GDPD4: variants seen among roughly 807,000 people sequenced by gnomAD.
The protein encoded by GDPD4 is glycerophosphodiester phosphodiesterase 6.
Under a neutral mutation model 67.8 loss-of-function variants are expected in GDPD4, and 60 were observed. The observed-to-expected ratio is 0.88, with a 90% CI of 0.72 to 1.10. The LOEUF (loss-of-function observed/expected upper bound fraction) is 1.10. Among genes scored for constraint, GDPD4 ranks in the 50% least tolerant of loss-of-function variants. GDPD4 has a pLI of 0.00. For missense variants in GDPD4, 623 were observed against 613.9 expected (o/e 1.01, Z -0.16); for synonymous variants, 212 against 210.9 (o/e 1.00, Z -0.04).
rs536886190 is a variant in GDPD4, at chr11:77,284,205, A to T, written c.53+880T>A. Among the ~76,000 whole-genome samples the T allele has an allele frequency of 2.6e-5, 4 of 152,360 alleles. No individual in the cohort carries two copies. In the South Asian group the frequency reaches 8.3e-4, roughly 32 times the overall value. On this transcript the variant is annotated intron_variant, in intron 3 of 16. Coordinates refer to ENST00000315938, the MANE Select transcript of GDPD4 (RefSeq NM_182833.3). ...AATTAAAAATGGCTAAGTGTATTAT[A>T]GCATCTGTCATGAAATATTTTTAAA... is the stretch of plus-strand genomic sequence containing the variant.
chr11:77,272,981 T>A (rs1408118249), intron 5 of GDPD4, among the ~76,000 whole-genome samples: 2 of 152,152 alleles, frequency 1.3e-5, no homozygotes, highest in East Asian at 3.9e-4. Flanking sequence ...ATTCCATTAA[T>A]TATATAACTC....
intron 16 of GDPD4, among the ~76,000 whole-genome samples, chr11:77,219,106 CATT>C (rs1958179826): frequency 6.6e-6 from 1 of 152,164 alleles, no homozygotes; most frequent in African/African-American, 2.4e-5. Context: ...GATGGTATCT[CATT>C]GTGGTTTTGT....
chr11:77,236,727 G>GAA (rs71043559), intron 13 of GDPD4, among the ~76,000 whole-genome samples: 30,611 of 145,956 alleles, frequency 0.21, 3,778 homozygotes, highest in Non-Finnish European at 0.28. Context: ...ATACAAGAAG[G>GAA]AAACACACAC....
At chr11:77,262,358 G>C (rs1398281617) in intron 10 of GDPD4, among the ~76,000 whole-genome samples, 1 of 152,122 alleles carries the variant, frequency 6.6e-6, no homozygotes, top group Non-Finnish European at 1.5e-5. Flanking sequence ...CACACTTCAG[G>C]ACTGAGGGAT....
intron 11 of GDPD4, among the ~76,000 whole-genome samples, chr11:77,248,469 G>A (rs1409716874): frequency 6.6e-6 from 1 of 152,056 alleles, no homozygotes; most frequent in East Asian, 1.9e-4. Flanking sequence ...CCAAGTGCTG[G>A]GATTGCAGGC....
intron 1 of GDPD4, among the ~76,000 whole-genome samples, chr11:77,297,354 A>G (rs1261155871): frequency 1.3e-5 from 2 of 151,496 alleles, no homozygotes; most frequent in East Asian, 3.9e-4. Flanking sequence ...AGACCACGGT[A>G]AAACCCTATC....
chr11:77,271,520 A>G (rs1565535665), intron 5 of GDPD4, 127 bp from the exon 6 acceptor site: 5 of 631,180 alleles, frequency 7.9e-6, no homozygotes, highest in Non-Finnish European at 1.4e-5. Flanking sequence ...TTTTACCATA[A>G]TAATGTAGAG....
intron 11 of GDPD4, among the ~76,000 whole-genome samples, chr11:77,248,680 C>A (rs1446270622): frequency 6.6e-6 from 1 of 151,928 alleles, no homozygotes; most frequent in Non-Finnish European, 1.5e-5. Flanking sequence ...AGAAGAACAT[C>A]TCTTTCTTCT....
At chr11:77,289,409 CAG>C (rs1279513883) in intron 1 of GDPD4, among the ~76,000 whole-genome samples, 3 of 144,228 alleles carry the variant, frequency 2.1e-5, no homozygotes, top group South Asian at 2.2e-4. Context: ...CGGAAAGAGA[CAG>C]AGAGAGAAAG....
At chr11:77,249,981 T>G (rs1958857059) in intron 11 of GDPD4, among the ~76,000 whole-genome samples, 1 of 152,234 alleles carries the variant, frequency 6.6e-6, no homozygotes, top group Non-Finnish European at 1.5e-5. Context: ...TGTACAGTTT[T>G]TAAAAAGTAT....
intron 16 of GDPD4, among the ~76,000 whole-genome samples, chr11:77,217,640 A>G (rs990314229): frequency 1.3e-5 from 2 of 151,844 alleles, no homozygotes; most frequent in Non-Finnish European, 2.9e-5. Context: ...GCTTCCCTCA[A>G]TTAAAATGAG....
rs953530094 is a variant in GDPD4, at chr11:77,285,204, G to T, written c.-50-17C>A. 3.9e-6 allele frequency: 5 copies of T among 1,274,526 alleles called. No homozygotes were observed. The East Asian group carries it at 1.2e-4, about 30-fold the overall frequency. The allele number at this position is 1,274,526 out of a possible 1,614,324, so 79.0% of individuals were successfully genotyped here. A position where few individuals can be genotyped will look rare whatever the true frequency, so the allele number is the denominator to read the frequency against. On this transcript the variant is annotated splice_polypyrimidine_tract_variant and intron_variant, in intron 2 of 16. Transcript: ENST00000315938. ...TTGCTCTTTCTGGGAAAAGAAAAAA[G>T]AAATCTAACTTAGCTCCATTTATCC...
chr11:77,262,408 T>C (rs1421252284), intron 10 of GDPD4, among the ~76,000 whole-genome samples: 1 of 152,182 alleles, frequency 6.6e-6, no homozygotes, highest in Non-Finnish European at 1.5e-5. Flanking sequence ...CTCACAGGGT[T>C]AACAAGAATT....
intron 1 of GDPD4, among the ~76,000 whole-genome samples, chr11:77,300,533 T>TA (rs35584607): frequency 1.1e-3 from 162 of 149,004 alleles, no homozygotes; most frequent in Non-Finnish European, 1.6e-3. Context: ...ACACACCTCT[T>TA]AAAAAAAAAA....
intron 14 of GDPD4, among the ~76,000 whole-genome samples, chr11:77,230,760 C>T (rs1204949667): frequency 6.6e-6 from 1 of 151,996 alleles, no homozygotes; most frequent in Non-Finnish European, 1.5e-5. Context: ...ATATGCAGGC[C>T]CCTACACAAC....
At chr11:77,276,418 T>C (rs1392465947) in intron 4 of GDPD4, among the ~76,000 whole-genome samples, 198 bp from the exon 5 acceptor site, 1 of 152,198 alleles carries the variant, frequency 6.6e-6, no homozygotes, top group East Asian at 1.9e-4. Flanking sequence ...CCACTGACTC[T>C]TCAAAGCCAG....
At chr11:77,246,350 C>T (rs1476199068) in intron 11 of GDPD4, among the ~76,000 whole-genome samples, 2 of 152,104 alleles carry the variant, frequency 1.3e-5, no homozygotes, top group African/African-American at 4.8e-5. Flanking sequence ...CTTTGAAGCC[C>T]AATGGCCCAT....
chr11:77,235,670 C>T (rs767876182), intron 13 of GDPD4, among the ~76,000 whole-genome samples: 19 of 152,250 alleles, frequency 1.2e-4, no homozygotes, highest in Middle Eastern at 6.8e-3. Flanking sequence ...AAAATTCAGC[C>T]GGAGCCAGAC....
At chr11:77,229,802 A>AC (rs1377044857) in intron 14 of GDPD4, among the ~76,000 whole-genome samples, 1 of 152,126 alleles carries the variant, frequency 6.6e-6, no homozygotes, top group Non-Finnish European at 1.5e-5. Context: ...AAGTACAATT[A>AC]CCCCTTACCT....
Sources: gnomAD v4.1 joint callset for allele counts (sites outside exome capture counted in the v4.1 genomes callset) on GRCh38, gnomAD v4.1.1 for gene constraint, MANE v1.5 for transcripts, NCBI Gene and HGNC (gene_info 2026-07-23, HGNC 2026-07-21) for gene names.